CPNE8: variants seen among roughly 807,000 people sequenced by gnomAD.
The protein encoded by CPNE8 is copine 8, also known as copine-8.
Under a neutral mutation model 81.5 loss-of-function variants are expected in CPNE8, and 45 were observed. The observed-to-expected ratio is 0.55, with a 90% confidence interval of 0.44 to 0.71. The LOEUF (loss-of-function observed/expected upper bound fraction) is 0.71, where lower values mean the gene tolerates loss of function less well. Ranked by LOEUF, CPNE8 falls within the 30% of genes least tolerant of loss-of-function variation. The pLI is 0.00. For missense variants in CPNE8, 594 were observed against 672.1 expected (o/e 0.88, Z 1.28); for synonymous variants, 252 against 226.3 (o/e 1.11, Z -1.02).
At chr12:38,724,483 A>G (rs561456389) in intron 12 of CPNE8, among the ~76,000 whole-genome samples, 1 of 152,260 alleles carries the variant, frequency 6.6e-6, no homozygotes, top group South Asian at 2.1e-4. Context: ...CTTACTTATT[A>G]AGTATAGCCT....
intron 2 of CPNE8, 50 bp downstream of exon 2, chr12:38,874,421 A>C (rs182264933): frequency 2.9e-6 from 4 of 1,384,558 alleles, no homozygotes; most frequent in Non-Finnish European, 4.1e-6. Flanking sequence ...GTTTCCTACA[A>C]CTTTTGCAAA....
At chr12:38,656,656 C>T (rs1374240339) in intron 19 of CPNE8, among the ~76,000 whole-genome samples, 4 of 152,140 alleles carry the variant, frequency 2.6e-5, no homozygotes, top group Non-Finnish European at 5.9e-5. Flanking sequence ...GTTTCTTCTT[C>T]TATAAAATAA....
intron 1 of CPNE8, among the ~76,000 whole-genome samples, chr12:38,903,519 A>T (rs1319055804): frequency 6.6e-6 from 1 of 152,228 alleles, no homozygotes. Context: ...TGCATTAAAC[A>T]TGGGCCCTAC....
chr12:38,791,083 C>A (rs75552759), intron 6 of CPNE8, among the ~76,000 whole-genome samples: 4,309 of 151,796 alleles, frequency 0.028, 234 homozygotes, highest in East Asian at 0.19. Context: ...TGTACACTTT[C>A]ATCTTCCAGT....
intron 10 of CPNE8, among the ~76,000 whole-genome samples, chr12:38,747,056 C>G (rs995288394): frequency 5.9e-5 from 9 of 152,200 alleles, no homozygotes; most frequent in African/African-American, 2.2e-4. Context: ...TATAGAATTA[C>G]TCTCATCTGA....
chr12:38,746,736 C>A (rs1941234092), intron 10 of CPNE8, among the ~76,000 whole-genome samples: 1 of 152,148 alleles, frequency 6.6e-6, no homozygotes, highest in African/African-American at 2.4e-5. Context: ...AAATCATCGT[C>A]ATAAAGCAGG....
rs377183448 is a variant in CPNE8, at chr12:38,702,927, A to C, written c.915-6T>G. On this transcript the variant is annotated splice_polypyrimidine_tract_variant and splice_region_variant and intron_variant, in intron 13 of 19. Transcript: ENST00000331366. ...CTGTGAAATTGATTTGCGTCCTGGA[A>C]TAGAAGTAAACAAGACTCATTAATA... 1 of 1,571,804 alleles carries C rather than the reference A, an allele frequency of 6.4e-7. No homozygotes were observed. Among genetic ancestry groups the C allele is most frequent in the Non-Finnish European group, 8.7e-7 (1 of 1,153,136 alleles).
intron 6 of CPNE8, among the ~76,000 whole-genome samples, chr12:38,817,624 T>TC (rs1943047727): frequency 7.2e-6 from 1 of 139,800 alleles, no homozygotes; most frequent in Admixed American, 7.2e-5. Flanking sequence ...CTTTTTTTTT[T>TC]TTTTTTTTTT....
At chr12:38,655,224 T>C (rs1012179235) in intron 19 of CPNE8, among the ~76,000 whole-genome samples, 1 of 152,198 alleles carries the variant, frequency 6.6e-6, no homozygotes, top group African/African-American at 2.4e-5. Flanking sequence ...TCTTTATATA[T>C]GTAATTATGT....
At chr12:38,765,164 A>G (rs1160565785) in intron 8 of CPNE8, among the ~76,000 whole-genome samples, 1 of 152,228 alleles carries the variant, frequency 6.6e-6, no homozygotes, top group Non-Finnish European at 1.5e-5. Flanking sequence ...TCATATATAT[A>G]GGAAAACCTC....
chr12:38,715,335 C>A (rs1177115336), intron 13 of CPNE8, among the ~76,000 whole-genome samples: 1 of 152,018 alleles, frequency 6.6e-6, no homozygotes, highest in Non-Finnish European at 1.5e-5. Context: ...GCTAGAGAAT[C>A]AATATAATTG....
chr12:38,667,670 C>T (rs2136640681), intron 19 of CPNE8, among the ~76,000 whole-genome samples: 1 of 152,318 alleles, frequency 6.6e-6, no homozygotes, highest in African/African-American at 2.4e-5. Context: ...GACCTCACTA[C>T]TCTTCAGTTC....
intron 14 of CPNE8, among the ~76,000 whole-genome samples, chr12:38,699,785 T>G (rs886174292): frequency 9.2e-5 from 14 of 152,202 alleles, no homozygotes; most frequent in African/African-American, 3.4e-4. Flanking sequence ...GAAGAAGAAT[T>G]GCTAGTTAAA....
Position 38,653,907 on chromosome 12 carries a change from G to GT in CPNE8, c.1669dup (p.Thr557AsnfsTer13). ...TCATATTTGAGTCTGTAACACATGT[G>GT]TAGGTGGGGTGTATGGGGGAGGCGC... On this transcript the variant is annotated frameshift_variant, in exon 20 of 20. Transcript: ENST00000331366. LOFTEE classifies it high-confidence loss of function. 1 of 1,613,354 alleles carries GT rather than the reference G, an allele frequency of 6.2e-7. No homozygotes were observed. Among genetic ancestry groups the GT allele is most frequent in the East Asian group, 2.2e-5 (1 of 44,804 alleles).
intron 6 of CPNE8, among the ~76,000 whole-genome samples, chr12:38,787,007 C>T (rs1565614842): frequency 1.3e-5 from 2 of 152,108 alleles, no homozygotes; most frequent in Admixed American, 1.3e-4. Flanking sequence ...ACAATAATAG[C>T]TGAAGACTTG....
intron 5 of CPNE8, among the ~76,000 whole-genome samples, chr12:38,831,797 T>G (rs1401385908): frequency 1.3e-5 from 2 of 152,210 alleles, no homozygotes; most frequent in Admixed American, 6.5e-5. Flanking sequence ...AATGTATCAT[T>G]GCTCTTCTGA....
At chr12:38,802,850 A>T (rs1942710947) in intron 6 of CPNE8, among the ~76,000 whole-genome samples, 2 of 144,614 alleles carry the variant, frequency 1.4e-5, no homozygotes, top group African/African-American at 5.2e-5. Flanking sequence ...ACAGAAATAC[A>T]AACTACCATC....
chr12:38,654,316 G>C (rs1242952113), intron 19 of CPNE8, among the ~76,000 whole-genome samples: 1 of 151,916 alleles, frequency 6.6e-6, no homozygotes, highest in Non-Finnish European at 1.5e-5. Context: ...AGGAGTTCAA[G>C]ACCAGCCTGA....
intron 19 of CPNE8, among the ~76,000 whole-genome samples, chr12:38,668,827 A>C (rs1591998823): frequency 3.9e-5 from 6 of 152,100 alleles, no homozygotes; most frequent in Admixed American, 3.9e-4. Flanking sequence ...AGGCGGGCGG[A>C]TCACAAGGTC....
Sources: gnomAD v4.1 joint callset for allele counts (sites outside exome capture counted in the v4.1 genomes callset) on GRCh38, gnomAD v4.1.1 for gene constraint, MANE v1.5 for transcripts, NCBI Gene and HGNC (gene_info 2026-07-23, HGNC 2026-07-21) for gene names.